The following CNTNAP4 variants were observed in gnomAD, a reference collection of about 807,000 sequenced individuals.
CNTNAP4 encodes contactin associated protein family member 4, also known as contactin-associated protein-like 4.
In CNTNAP4, 98 loss-of-function variants were observed where a neutral mutation model predicts 148.4. The ratio of observed to expected loss-of-function variants is 0.66; its 90% CI spans 0.56 to 0.78. CNTNAP4 has a LOEUF of 0.78. Ranked by LOEUF, CNTNAP4 falls within the 30% of genes least tolerant of loss-of-function variation. CNTNAP4 has a pLI of 0.00. For missense variants in CNTNAP4, 1,935 were observed against 1,565.6 expected (o/e 1.24, Z -3.98); for synonymous variants, 730 against 565.1 (o/e 1.29, Z -4.14).
intron 10 of CNTNAP4, among the ~76,000 whole-genome samples, chr16:76,475,541 TCTTC>T (rs1476811056): frequency 2.0e-5 from 3 of 152,226 alleles, no homozygotes; most frequent in African/African-American, 7.2e-5. Flanking sequence ...TATTCCTCTG[TCTTC>T]CTTTTTTCTT....
At chr16:76,473,807 C>T (rs2081458031) in intron 10 of CNTNAP4, among the ~76,000 whole-genome samples, 1 of 151,466 alleles carries the variant, frequency 6.6e-6, no homozygotes, top group South Asian at 2.1e-4. Context: ...TGCGGAAACC[C>T]TATTATGTAT....
In CNTNAP4 at chr16:76,558,380, G is replaced by A. The variant is rs139822869; in HGVS notation, c.3734-110G>A. The A allele has an allele frequency of 4.1e-4, 247 of 601,698 alleles. 1 individual carries two copies. In the African/African-American group the frequency reaches 4.2e-3, roughly 10 times the overall value. The allele number at this position is 601,698 out of a possible 1,614,324, so 37.3% of individuals were successfully genotyped here. On this transcript the variant is annotated intron_variant, in intron 23 of 23. Coordinates refer to ENST00000611870, the MANE Select transcript of CNTNAP4 (RefSeq NM_033401.5). ...TTTTTATATTTCCAATTTATATGTA[G>A]TAGATGCTTAAAGTGGAAAATAGTG...
At chr16:76,322,844 G>GTT (rs35671026) in intron 2 of CNTNAP4, among the ~76,000 whole-genome samples, 124 of 147,840 alleles carry the variant, frequency 8.4e-4, no homozygotes, top group South Asian at 1.5e-3. Context: ...TTTATTTTTT[G>GTT]TTTTTTTTTT....
intron 17 of CNTNAP4, among the ~76,000 whole-genome samples, chr16:76,532,734 C>T (rs977556918): frequency 1.3e-5 from 2 of 152,142 alleles, no homozygotes; most frequent in African/African-American, 2.4e-5. Context: ...TGAGCTGGAC[C>T]TTACCCAGGG....
At chr16:76,423,600 A>G (rs2079270947) in intron 3 of CNTNAP4, among the ~76,000 whole-genome samples, 2 of 152,196 alleles carry the variant, frequency 1.3e-5, no homozygotes, top group Admixed American at 1.3e-4. Context: ...TCCTAGGCAA[A>G]GGAATACATT....
At chr16:76,300,563 A>T (rs990440935) in intron 1 of CNTNAP4, among the ~76,000 whole-genome samples, 1 of 152,242 alleles carries the variant, frequency 6.6e-6, no homozygotes, top group Non-Finnish European at 1.5e-5. Context: ...ATTATAAATT[A>T]AAAACAAAGA....
chr16:76,523,759 A>G (rs1164037307), intron 17 of CNTNAP4, among the ~76,000 whole-genome samples: 2 of 152,096 alleles, frequency 1.3e-5, no homozygotes, highest in African/African-American at 2.4e-5. Context: ...ATCCATCTCT[A>G]CAAAAAGTAA....
chr16:76,470,496 T>TAA lies in CNTNAP4; in HGVS notation c.1655+2976_1655+2977dup, dbSNP rs1555567902. On this transcript the variant is annotated intron_variant, in intron 10 of 23. Coordinates refer to ENST00000611870, the MANE Select transcript of CNTNAP4 (RefSeq NM_033401.5). Reference sequence around the variant, plus strand: ...TCTCTACTAATAATATATATATATATAAAATTAGTCGGGCATGGTGGCACA... The same window carrying TAA: ...TCTCTACTAATAATATATATATATATAAAAAATTAGTCGGGCATGGTGGCACA... Among the ~76,000 whole-genome samples, 4 of 57,074 alleles carry TAA rather than the reference T, an allele frequency of 7.0e-5. No homozygotes were observed. The South Asian group carries it at 3.3e-3, about 47-fold the overall frequency. The allele number at this position is 57,074 out of a possible 152,430, so 37.4% of individuals were successfully genotyped here.
chr16:76,484,275 G>GAAAAAAAAAAAAAAAAAAAAAAAAAAA (rs10622949), intron 12 of CNTNAP4, among the ~76,000 whole-genome samples: 5 of 71,228 alleles, frequency 7.0e-5, no homozygotes, highest in Admixed American at 2.4e-4. Context: ...GGAGAGAAAT[G>GAAAAAAAAAAAAAAAAAAAAAAAAAAA]AAAAAAAAAA....
At chr16:76,282,252 A>T (rs1197217868) in intron 1 of CNTNAP4, among the ~76,000 whole-genome samples, 3 of 151,870 alleles carry the variant, frequency 2.0e-5, no homozygotes, top group Non-Finnish European at 4.4e-5. Flanking sequence ...ATTGTTCAAA[A>T]ATCTTGATAT....
intron 3 of CNTNAP4, among the ~76,000 whole-genome samples, chr16:76,362,258 C>T (rs892147970): frequency 6.6e-6 from 1 of 151,902 alleles, no homozygotes; most frequent in African/African-American, 2.4e-5. Context: ...GAAAGAAGAA[C>T]CAAATAAATG....
At chr16:76,425,097 G>T (rs944086901) in intron 3 of CNTNAP4, among the ~76,000 whole-genome samples, 1 of 152,072 alleles carries the variant, frequency 6.6e-6, no homozygotes, top group Non-Finnish European at 1.5e-5. Flanking sequence ...CTTCTCAGGG[G>T]TCTGGTTATC....
intron 19 of CNTNAP4, among the ~76,000 whole-genome samples, chr16:76,539,155 T>C (rs2084344995): frequency 6.6e-6 from 1 of 152,076 alleles, no homozygotes; most frequent in South Asian, 2.1e-4. Context: ...GTGAAATAAA[T>C]TAACTGACAT....
chr16:76,537,988 AT>A (rs1269824233), intron 18 of CNTNAP4, 127 bp from the exon 19 acceptor site: 3 of 357,838 alleles, frequency 8.4e-6, no homozygotes, highest in Non-Finnish European at 1.5e-5. Context: ...TTATTATTTG[AT>A]TCTATTTTGG....
At chr16:76,318,213 A>G (rs1962013333) in intron 2 of CNTNAP4, among the ~76,000 whole-genome samples, 1 of 152,212 alleles carries the variant, frequency 6.6e-6, no homozygotes, top group African/African-American at 2.4e-5. Context: ...GACATTTACC[A>G]CCACTTCATT....
At chr16:76,489,262 G>A (rs189542616) in intron 12 of CNTNAP4, among the ~76,000 whole-genome samples, 3 of 152,068 alleles carry the variant, frequency 2.0e-5, no homozygotes, top group African/African-American at 7.2e-5. Flanking sequence ...TGGATTTTGG[G>A]TGTGTTGATG....
At chr16:76,526,276 A>G (rs974633440) in intron 17 of CNTNAP4, among the ~76,000 whole-genome samples, 4 of 152,102 alleles carry the variant, frequency 2.6e-5, no homozygotes, top group East Asian at 1.9e-4. Flanking sequence ...AGGAACAAGG[A>G]AAAAAACAAT....
intron 1 of CNTNAP4, chr16:76,316,210 C>T (rs1217226503): frequency 8.4e-6 from 5 of 591,830 alleles, no homozygotes; most frequent in African/African-American, 3.7e-5. Flanking sequence ...AAAGTATTTT[C>T]ATATTCTCCT....
At chr16:76,544,276 C>CAGTGGAAAAAGTAT (rs1366902398) in intron 21 of CNTNAP4, among the ~76,000 whole-genome samples, 1 of 151,934 alleles carries the variant, frequency 6.6e-6, no homozygotes, top group Non-Finnish European at 1.5e-5. Context: ...ATAACTGTCC[C>CAGTGGAAAAAGTAT]ATGCTTTTTC....
Sources: allele counts gnomAD v4.1 joint callset (sites outside exome capture counted in the v4.1 genomes callset), GRCh38; gene constraint gnomAD v4.1.1; transcripts MANE v1.5; gene names NCBI Gene and HGNC (gene_info 2026-07-23, HGNC 2026-07-21).